Variants in CTDSPL observed in about 807,000 individuals in gnomAD.
The protein encoded by CTDSPL is CTD small phosphatase-like protein.
A neutral mutation model predicts 30.5 loss-of-function variants in CTDSPL; 8 were observed. That is an observed-to-expected ratio of 0.26 (90% CI 0.15 to 0.47). The LOEUF (loss-of-function observed/expected upper bound fraction) is 0.47, where lower values mean the gene tolerates loss of function less well. Ranked by LOEUF, CTDSPL falls within the 20% of genes least tolerant of loss-of-function variation. The probability of loss-of-function intolerance (pLI) is 0.99; values close to 1 mark genes in which losing one functional copy is unlikely to be tolerated. For missense variants in CTDSPL, 248 were observed against 366.1 expected, an observed-to-expected ratio of 0.68 and a Z score of 2.63; for synonymous variants, 110 against 137.9, an observed-to-expected ratio of 0.80 and a Z score of 1.42.
chr3:37,888,869 A>G (rs542062148), intron 1 of CTDSPL, among the ~76,000 whole-genome samples: 1 of 152,336 alleles, frequency 6.6e-6, no homozygotes, highest in African/African-American at 2.4e-5. Flanking sequence ...GCCACCAGCC[A>G]GGGCAGGCTG....
intron 1 of CTDSPL, among the ~76,000 whole-genome samples, chr3:37,866,971 C>T (rs1235724340): frequency 2.6e-5 from 4 of 152,088 alleles, no homozygotes; most frequent in African/African-American, 4.8e-5. Context: ...GCCCTCTACC[C>T]GGTTTCTCTT....
chr3:37,947,782 C>T lies in CTDSPL; in HGVS notation c.234+571C>T, dbSNP rs564589510. 2.0e-5 allele frequency among the ~76,000 whole-genome samples: 3 copies of T among 152,258 alleles called. No individual in the cohort carries two copies. In the South Asian group the frequency reaches 6.2e-4, roughly 32 times the overall value. ...AAACAGTTAAACAACCAGTAGCAGA[C>T]TCACAAATAGATAAAAAGAGAAACA... On this transcript the variant is annotated intron_variant, in intron 2 of 7. Transcript: ENST00000273179.
intron 1 of CTDSPL, among the ~76,000 whole-genome samples, chr3:37,945,096 T>C (rs1699020086): frequency 6.7e-6 from 1 of 150,330 alleles, no homozygotes; most frequent in African/African-American, 2.4e-5. Context: ...ACAAATAGCT[T>C]GTTTACTTGC....
rs903934481 is a variant in CTDSPL at position 37,978,916 on chromosome 3, A to G, written c.706-1826A>G. ...ATTTTTAGAAAGAAAACTAAATCAT[A>G]AGTTCATACTGGTTTTTCCAATACA... On this transcript the variant is annotated intron_variant, in intron 7 of 7. Coordinates refer to ENST00000273179, the MANE Select transcript of CTDSPL (RefSeq NM_001008392.2). Among the ~76,000 whole-genome samples, 7 of 152,348 alleles carry G rather than the reference A, an allele frequency of 4.6e-5. No homozygotes were observed. In the South Asian group the frequency reaches 1.4e-3, roughly 32 times the overall value.
At position 37,862,360 on chromosome 3, in the gene CTDSPL, G is replaced by T; in HGVS notation, c.79+82G>T. ...GGAGTTCACTGCCGGGCGCCGGCATGGGCCTGGGGGAGGGGTGCACAGGGC... is the reference window on the plus strand; with the variant it reads ...GGAGTTCACTGCCGGGCGCCGGCATTGGCCTGGGGGAGGGGTGCACAGGGC... On this transcript the variant is annotated intron_variant, in intron 1 of 7. Coordinates refer to ENST00000273179, the MANE Select transcript of CTDSPL (RefSeq NM_001008392.2). This position sits in a 1 kb window ranked among gnomAD's most constrained non-coding sequence, Gnocchi z 4.3. 1 of 1,222,790 alleles carries T rather than the reference G, an allele frequency of 8.2e-7. No homozygotes were observed. Among genetic ancestry groups the T allele is most frequent in the Non-Finnish European group, 1.1e-6 (1 of 942,574 alleles). 75.7% of individuals were successfully genotyped at this position (1,222,790 alleles called of 1,614,324 possible).
At chr3:37,976,367 G>A (rs1699427776) in intron 7 of CTDSPL, among the ~76,000 whole-genome samples, 1 of 152,090 alleles carries the variant, frequency 6.6e-6, no homozygotes, top group Non-Finnish European at 1.5e-5. Flanking sequence ...GCCAGGTGTG[G>A]TGGCTCACAC....
At chr3:37,952,163 C>T (rs1449657445) in intron 2 of CTDSPL, among the ~76,000 whole-genome samples, 3 of 150,614 alleles carry the variant, frequency 2.0e-5, no homozygotes, top group Non-Finnish European at 2.9e-5. Flanking sequence ...GGTGCTAGAG[C>T]AAGATCCTGT....
At chr3:37,960,647 G>A (rs900394546) in intron 3 of CTDSPL, among the ~76,000 whole-genome samples, 29 of 133,642 alleles carry the variant, frequency 2.2e-4, no homozygotes, top group Admixed American at 1.8e-3. Context: ...GGAGAATCAC[G>A]TGAACCCGGG....
At chr3:37,948,297 A>AT (rs1292343765) in intron 2 of CTDSPL, among the ~76,000 whole-genome samples, 1 of 152,106 alleles carries the variant, frequency 6.6e-6, no homozygotes, top group Non-Finnish European at 1.5e-5. Flanking sequence ...AAAAAAAAAT[A>AT]TATGTATATA....
intron 5 of CTDSPL, among the ~76,000 whole-genome samples, chr3:37,970,911 G>A (rs538727796): frequency 6.6e-6 from 1 of 152,262 alleles, no homozygotes; most frequent in South Asian, 2.1e-4. Context: ...TTCAACCCCA[G>A]ACCTTCCTAG....
intron 2 of CTDSPL, among the ~76,000 whole-genome samples, chr3:37,952,663 A>G (rs1699123582): frequency 6.6e-6 from 1 of 152,270 alleles, no homozygotes; most frequent in Non-Finnish European, 1.5e-5. Flanking sequence ...TGGAAATAGC[A>G]TACAGTTGAC....
intron 1 of CTDSPL, among the ~76,000 whole-genome samples, chr3:37,916,681 C>T (rs943892040): frequency 3.5e-4 from 54 of 152,220 alleles, no homozygotes; most frequent in Admixed American, 3.5e-3. Flanking sequence ...TGATTTCACA[C>T]TTCCAGCCTT....
chr3:37,866,933 G>T (rs1306781758), intron 1 of CTDSPL, among the ~76,000 whole-genome samples: 2 of 152,180 alleles, frequency 1.3e-5, no homozygotes, highest in Non-Finnish European at 2.9e-5. Flanking sequence ...TTTACATGCA[G>T]TTTTAAGAAG....
intron 7 of CTDSPL, among the ~76,000 whole-genome samples, chr3:37,976,503 G>A (rs147216122): frequency 3.3e-5 from 5 of 151,920 alleles, no homozygotes; most frequent in East Asian, 3.9e-4. Context: ...TTGGTGGCAC[G>A]CACCTGTAGT....
intron 1 of CTDSPL, among the ~76,000 whole-genome samples, chr3:37,873,069 G>A (rs893512050): frequency 6.6e-5 from 10 of 152,304 alleles, no homozygotes; most frequent in Admixed American, 2.6e-4. Flanking sequence ...AGTCCAAGGT[G>A]GCCATGTGGT....
At chr3:37,945,917 CTT>C (rs1337345839) in intron 1 of CTDSPL, among the ~76,000 whole-genome samples, 2 of 152,222 alleles carry the variant, frequency 1.3e-5, no homozygotes, top group Non-Finnish European at 2.9e-5. Context: ...TTTGTGATCT[CTT>C]GGGAGGAACT....
intron 1 of CTDSPL, among the ~76,000 whole-genome samples, chr3:37,924,312 C>CTT (rs11369138): frequency 8.6e-5 from 13 of 151,596 alleles, no homozygotes; most frequent in Non-Finnish European, 7.4e-5. Flanking sequence ...AATTGGAAGA[C>CTT]TTTTTTTTTA....
intron 3 of CTDSPL, among the ~76,000 whole-genome samples, chr3:37,964,164 T>G (rs1433960197): frequency 6.7e-6 from 1 of 149,710 alleles, no homozygotes; most frequent in Non-Finnish European, 1.5e-5. Flanking sequence ...ATTGTGACAG[T>G]ACCTATTATA....
At chr3:37,973,421 A>G (rs1488865625) in intron 6 of CTDSPL, among the ~76,000 whole-genome samples, 1 of 152,044 alleles carries the variant, frequency 6.6e-6, no homozygotes, top group Non-Finnish European at 1.5e-5. Context: ...TTGTTCGGTT[A>G]CTCTTCCTGG....
Sources: allele counts gnomAD v4.1 joint callset (sites outside exome capture counted in the v4.1 genomes callset), GRCh38; gene constraint gnomAD v4.1.1; non-coding constraint Gnocchi (gnomAD v3.1); transcripts MANE v1.5; gene names NCBI Gene and HGNC (gene_info 2026-07-23, HGNC 2026-07-21).